The following DPP10 variants were observed in gnomAD, a reference collection of about 807,000 sequenced individuals.
DPP10 encodes inactive dipeptidyl peptidase 10.
A neutral mutation model predicts 120.9 loss-of-function variants in DPP10; 33 were observed. The ratio of observed to expected loss-of-function variants is 0.27; its 90% CI spans 0.21 to 0.37. DPP10 has a LOEUF of 0.37. Ranked by LOEUF, DPP10 falls within the 10% of genes least tolerant of loss-of-function variation. DPP10 has a pLI of 1.00. For missense variants in DPP10, 816 were observed against 942.8 expected, an observed-to-expected ratio of 0.87 and a Z score of 1.76; for synonymous variants, 337 against 326.1, an observed-to-expected ratio of 1.03 and a Z score of -0.36.
chr2:115,067,408 C>A (rs1056429625), intron 1 of DPP10, among the ~76,000 whole-genome samples: 1 of 151,342 alleles, frequency 6.6e-6, no homozygotes, highest in African/African-American at 2.4e-5. Context: ...CCCGCCACCA[C>A]GCCCGGCTAA....
intron 1 of DPP10, among the ~76,000 whole-genome samples, chr2:114,609,456 G>C (rs1354763445): frequency 4.6e-5 from 7 of 152,110 alleles, no homozygotes; most frequent in Non-Finnish European, 1.0e-4. Context: ...CAGGGGGTGG[G>C]GTGGTCCCAG....
At chr2:115,111,580 T>C (rs1024413184) in intron 1 of DPP10, among the ~76,000 whole-genome samples, 9 of 152,210 alleles carry the variant, frequency 5.9e-5, no homozygotes, top group African/African-American at 2.2e-4. Context: ...GGCGGTGTGA[T>C]CTTGGGCAAG....
At chr2:115,537,960 C>A (rs2078958547) in intron 5 of DPP10, among the ~76,000 whole-genome samples, 1 of 151,978 alleles carries the variant, frequency 6.6e-6, no homozygotes, top group African/African-American at 2.4e-5. Context: ...CACAGGGCTA[C>A]TTCCATGTCG....
At chr2:115,241,948 A>G (rs936584735) in intron 1 of DPP10, among the ~76,000 whole-genome samples, 4 of 152,162 alleles carry the variant, frequency 2.6e-5, no homozygotes, top group African/African-American at 9.7e-5. Flanking sequence ...TATTACTAGA[A>G]CGACTTGGAA....
chr2:114,607,021 C>T (rs1692867479), intron 1 of DPP10, among the ~76,000 whole-genome samples: 1 of 152,314 alleles, frequency 6.6e-6, no homozygotes, highest in Admixed American at 6.5e-5. Context: ...ATGATGGAGA[C>T]ATCACCATGG....
chr2:115,283,219 A>G (rs2060233258), intron 1 of DPP10, among the ~76,000 whole-genome samples: 1 of 152,042 alleles, frequency 6.6e-6, no homozygotes, highest in African/African-American at 2.4e-5. Context: ...CAATTACGGT[A>G]TTATAAATAA....
intron 8 of DPP10, among the ~76,000 whole-genome samples, chr2:115,734,588 A>G (rs2092988618): frequency 6.8e-6 from 1 of 147,596 alleles, no homozygotes; most frequent in South Asian, 2.2e-4. Flanking sequence ...CCCTGGAGGC[A>G]GAGGTTGCAG....
chr2:114,684,778 T>C (rs537796616), intron 1 of DPP10, among the ~76,000 whole-genome samples: 1 of 151,976 alleles, frequency 6.6e-6, no homozygotes, highest in African/African-American at 2.4e-5. Flanking sequence ...AAAGAAGACC[T>C]ACCTTCTCTT....
chr2:115,645,492 A>G (rs2087165705), intron 5 of DPP10, among the ~76,000 whole-genome samples: 1 of 152,126 alleles, frequency 6.6e-6, no homozygotes, highest in Non-Finnish European at 1.5e-5. Context: ...ATATCAAATG[A>G]CTTCTCAGTC....
chr2:114,855,125 A>G (rs563905863), intron 1 of DPP10, among the ~76,000 whole-genome samples: 5 of 152,186 alleles, frequency 3.3e-5, no homozygotes, highest in African/African-American at 1.2e-4. Context: ...GGGGAGAAAA[A>G]GGGAAGGGAA....
At chr2:114,828,899 T>C (rs919790493) in intron 1 of DPP10, 1 of 152,100 alleles carries the variant, frequency 6.6e-6, no homozygotes, top group African/African-American at 2.4e-5. Flanking sequence ...ATATTGAAAA[T>C]GAATAAACAG....
At chr2:114,961,711 C>T (rs1343093118) in intron 1 of DPP10, among the ~76,000 whole-genome samples, 1 of 151,794 alleles carries the variant, frequency 6.6e-6, no homozygotes, top group African/African-American at 2.4e-5. Context: ...TAAAAGTACT[C>T]AGGAGGCCGA....
At chr2:115,098,249 A>G (rs1455862651) in intron 1 of DPP10, among the ~76,000 whole-genome samples, 2 of 152,184 alleles carry the variant, frequency 1.3e-5, no homozygotes, top group African/African-American at 2.4e-5. Context: ...GGGGAGTAAC[A>G]GCTTCAGTCC....
At chr2:115,171,082 T>C (rs1214050533) in intron 1 of DPP10, among the ~76,000 whole-genome samples, 1 of 152,188 alleles carries the variant, frequency 6.6e-6, no homozygotes, top group Non-Finnish European at 1.5e-5. Flanking sequence ...TGATATTGGC[T>C]GGGCACAGTG....
In DPP10 at chr2:115,448,030, AT is replaced by A. The variant is rs1369019168; in HGVS notation, c.272-51479del. ...GTTTGTTAGACCTGACTGGTATTGG[AT>A]AGACATAACATTGTTTAAGTTCGAC... On this transcript the variant is annotated intron_variant, in intron 3 of 25. Coordinates refer to ENST00000410059, the MANE Select transcript of DPP10 (RefSeq NM_020868.6). 2.0e-5 allele frequency among the ~76,000 whole-genome samples: 3 copies of A among 152,326 alleles called. No individual in the cohort carries two copies. The East Asian group carries it at 5.8e-4, about 29-fold the overall frequency.
intron 7 of DPP10, among the ~76,000 whole-genome samples, chr2:115,709,503 C>T (rs2092245868): frequency 6.6e-6 from 1 of 151,830 alleles, no homozygotes; most frequent in African/African-American, 2.4e-5. Context: ...ACAAATACAC[C>T]TATCTTAAAT....
At position 114,785,648 on chromosome 2, in the gene DPP10, G is replaced by A. The variant is rs895993165; in HGVS notation, c.60+342810G>A. 3.9e-5 allele frequency among the ~76,000 whole-genome samples: 6 copies of A among 152,282 alleles called. No individual in the cohort carries two copies. In the South Asian group the frequency reaches 1.2e-3, roughly 32 times the overall value. On this transcript the variant is annotated intron_variant, in intron 1 of 25. Coordinates refer to ENST00000410059, the MANE Select transcript of DPP10 (RefSeq NM_020868.6). ...TCCTATGCTCAGGAGTTTCACTGAA[G>A]ATTTACTGTAGAGGCAATGTAGAGG...
intron 1 of DPP10, among the ~76,000 whole-genome samples, chr2:114,980,910 G>A (rs1700043799): frequency 6.6e-6 from 1 of 151,002 alleles, no homozygotes; most frequent in African/African-American, 2.4e-5. Flanking sequence ...CCATAGTATA[G>A]AAAAATATAG....
Position 114,574,927 on chromosome 2 carries a change from G to A in DPP10, c.60+132089G>A, listed in dbSNP as rs72951892. 2.7e-3 allele frequency among the ~76,000 whole-genome samples: 409 copies of A among 152,224 alleles called. 4 individuals are homozygous for A. Among genetic ancestry groups the A allele is most frequent in the African/African-American group, 9.4e-3 (392 of 41,538 alleles). ...CTATGTGGGTTATACCTGCTCTTAA[G>A]TAAGGCAATGGAAGGTAACAGAAGC... On this transcript the variant is annotated intron_variant, in intron 1 of 25. Transcript: ENST00000410059.
Sources: gnomAD v4.1 joint callset for allele counts (sites outside exome capture counted in the v4.1 genomes callset) on GRCh38, gnomAD v4.1.1 for gene constraint, MANE v1.5 for transcripts, NCBI Gene and HGNC (gene_info 2026-07-23, HGNC 2026-07-21) for gene names.